Variants in RIT2 observed in about 807,000 individuals in gnomAD.
The protein encoded by RIT2 is Ras like without CAAX 2, also known as GTP-binding protein Rit2.
RIT2 carries 24 observed loss-of-function variants against 23.7 expected under a neutral mutation model. The observed-to-expected ratio is 1.01, with a 90% CI of 0.73 to 1.43. The LOEUF is 1.43. Among genes scored for constraint, RIT2 ranks in the 40% most tolerant of loss-of-function variants. The pLI, the probability that RIT2 is intolerant of heterozygous loss-of-function variation, is 0.00. For synonymous variants in RIT2, 107 were observed against 91.1 expected, an observed-to-expected ratio of 1.17 and a Z score of -0.99; for missense variants, 236 against 266.9, an observed-to-expected ratio of 0.88 and a Z score of 0.81.
chr18:42,822,014 G>A (rs544554796), intron 4 of RIT2, among the ~76,000 whole-genome samples: 1 of 152,236 alleles, frequency 6.6e-6, no homozygotes, highest in African/African-American at 2.4e-5. Flanking sequence ...ACCTGATATA[G>A]GATCCTAAAT....
intron 4 of RIT2, among the ~76,000 whole-genome samples, chr18:42,812,623 C>T (rs553021704): frequency 6.6e-6 from 1 of 151,990 alleles, no homozygotes. Flanking sequence ...TATTTTATAT[C>T]CTTAGGGTTT....
chr18:42,903,442 C>T (rs937641572), intron 4 of RIT2, among the ~76,000 whole-genome samples: 7 of 151,792 alleles, frequency 4.6e-5, no homozygotes, highest in Non-Finnish European at 8.8e-5. Flanking sequence ...GACCACAATA[C>T]GGCTTAATCA....
chr18:42,882,486 G>T (rs1907921268), intron 4 of RIT2, among the ~76,000 whole-genome samples: 2 of 152,184 alleles, frequency 1.3e-5, no homozygotes, highest in African/African-American at 4.8e-5. Flanking sequence ...TATCAGTCCA[G>T]TTAAACAACC....
At chr18:42,969,740 T>C (rs1007194269) in intron 3 of RIT2, among the ~76,000 whole-genome samples, 4 of 152,076 alleles carry the variant, frequency 2.6e-5, no homozygotes, top group Non-Finnish European at 5.9e-5. Context: ...TGAGGATTAT[T>C]CAATACATTT....
intron 4 of RIT2, among the ~76,000 whole-genome samples, chr18:42,921,730 C>T (rs1483950934): frequency 6.6e-6 from 1 of 152,000 alleles, no homozygotes; most frequent in African/African-American, 2.4e-5. Context: ...TAACTGAAAC[C>T]CTGTCAGAGG....
chr18:43,088,494 A>T (rs1913339420), intron 1 of RIT2, among the ~76,000 whole-genome samples: 1 of 152,200 alleles, frequency 6.6e-6, no homozygotes, highest in Non-Finnish European at 1.5e-5. Flanking sequence ...TCACAGTAAA[A>T]AAACTGGTGT....
chr18:42,898,329 G>A (rs1234005946), intron 4 of RIT2, among the ~76,000 whole-genome samples: 2 of 152,108 alleles, frequency 1.3e-5, no homozygotes, highest in African/African-American at 4.8e-5. Flanking sequence ...AGGAGGCAGA[G>A]GTTGCAGTGA....
rs142348407 is a variant in RIT2 at position 42,939,429 on chromosome 18, T to C, written c.235-15666A>G. On this transcript the variant is annotated intron_variant, in intron 3 of 4. Transcript: ENST00000326695. ...GGGCATAGTAAGAACCAATATACTT[T>C]AGCAACTATAAATATTGCTTGGTTT... 7.5e-3 allele frequency among the ~76,000 whole-genome samples: 1,137 copies of C among 152,266 alleles called. 7 individuals are homozygous for C. The highest frequency in any genetic ancestry group is 0.025 in the African/African-American group (1,043 of 41,554).
chr18:43,087,889 T>C (rs1913323803), intron 1 of RIT2, among the ~76,000 whole-genome samples: 2 of 152,182 alleles, frequency 1.3e-5, no homozygotes, highest in African/African-American at 4.8e-5. Flanking sequence ...GAGCGATACA[T>C]GTAGAAGCCA....
chr18:42,951,559 G>A (rs1488015871), intron 3 of RIT2, among the ~76,000 whole-genome samples: 1 of 151,314 alleles, frequency 6.6e-6, no homozygotes, highest in Non-Finnish European at 1.5e-5. Context: ...ACCTGCAAAT[G>A]TACCCACTGA....
intron 4 of RIT2, among the ~76,000 whole-genome samples, chr18:42,789,941 G>A (rs1056266931): frequency 6.6e-6 from 1 of 152,158 alleles, no homozygotes; most frequent in African/African-American, 2.4e-5. Flanking sequence ...CATTCAATGT[G>A]ATAATGGCTA....
intron 3 of RIT2, among the ~76,000 whole-genome samples, chr18:42,950,238 G>A (rs576950510): frequency 3.3e-5 from 5 of 151,966 alleles, no homozygotes; most frequent in East Asian, 1.9e-4. Context: ...TAGAGAGCCC[G>A]GAAATAAAGC....
At chr18:43,039,062 TCTA>T (rs1463214722) in intron 1 of RIT2, among the ~76,000 whole-genome samples, 1 of 152,306 alleles carries the variant, frequency 6.6e-6, no homozygotes, top group East Asian at 1.9e-4. Flanking sequence ...ATACCACTTT[TCTA>T]CTTATTTCCA....
At chr18:42,785,055 A>G (rs1456317163) in intron 4 of RIT2, among the ~76,000 whole-genome samples, 1 of 152,128 alleles carries the variant, frequency 6.6e-6, no homozygotes, top group Non-Finnish European at 1.5e-5. Context: ...GTTAAATAAT[A>G]TATTAATTCA....
intron 4 of RIT2, among the ~76,000 whole-genome samples, chr18:42,906,394 T>C (rs908412983): frequency 6.6e-6 from 1 of 152,176 alleles, no homozygotes; most frequent in African/African-American, 2.4e-5. Flanking sequence ...TAAATCATAT[T>C]ACATTAATGT....
At chr18:42,746,401 G>A (rs1912917450) in intron 4 of RIT2, among the ~76,000 whole-genome samples, 1 of 151,986 alleles carries the variant, frequency 6.6e-6, no homozygotes, top group Non-Finnish European at 1.5e-5. Context: ...TACCTTACAT[G>A]TAAAGATATA....
intron 1 of RIT2, among the ~76,000 whole-genome samples, chr18:43,114,117 T>G (rs1914013558): frequency 6.6e-6 from 1 of 152,160 alleles, no homozygotes; most frequent in South Asian, 2.1e-4. Flanking sequence ...AAATTCCTCA[T>G]TTATACACAA....
In RIT2 at chr18:42,943,216, C is replaced by T. The variant is rs1001442086; in HGVS notation, c.235-19453G>A. Among the ~76,000 whole-genome samples the T allele has an allele frequency of 3.9e-5, 6 of 152,044 alleles. No homozygotes were observed. In the South Asian group the frequency reaches 6.2e-4, roughly 16 times the overall value. ...AATGCCCTTTTTTCAATCTTCCCTG[C>T]GATTGGCTATTTTTAGGATGCTGCT... On this transcript the variant is annotated intron_variant, in intron 3 of 4. Coordinates refer to ENST00000326695, the MANE Select transcript of RIT2 (RefSeq NM_002930.4).
rs150562463 is a variant in RIT2 at position 42,771,997 on chromosome 18, T to C, written c.427-28277A>G. ...TAATAGGGTCAGGGTCATTGAATAG[T>C]GATAGTGCAAGCAACTCAGATCTGC... is the stretch of plus-strand genomic sequence containing the variant. On this transcript the variant is annotated intron_variant, in intron 4 of 4. Transcript: ENST00000326695. Among the ~76,000 whole-genome samples the C allele has an allele frequency of 3.2e-4, 48 of 152,224 alleles. 1 individual carries two copies. In the East Asian group the frequency reaches 8.9e-3, roughly 28 times the overall value.
Sources: allele counts gnomAD v4.1 joint callset (sites outside exome capture counted in the v4.1 genomes callset), GRCh38; gene constraint gnomAD v4.1.1; transcripts MANE v1.5; gene names NCBI Gene and HGNC (gene_info 2026-07-23, HGNC 2026-07-21).